The following ADGRL2 variants were observed in gnomAD, a reference collection of about 807,000 sequenced individuals.
ADGRL2 encodes calcium-independent alpha-latrotoxin receptor 2.
A neutral mutation model predicts 157.4 loss-of-function variants in ADGRL2; 44 were observed. That is an observed-to-expected ratio of 0.28 (90% confidence interval 0.22 to 0.36). The LOEUF (loss-of-function observed/expected upper bound fraction) is 0.36, where lower values mean the gene tolerates loss of function less well. Among genes scored for constraint, ADGRL2 ranks in the 10% least tolerant of loss-of-function variants. The pLI is 1.00. For synonymous variants in ADGRL2, 585 were observed against 624.7 expected (o/e 0.94, Z 0.95); for missense variants, 1,510 against 1,768.9 (o/e 0.85, Z 2.63).
chr1:81,659,852 T>C (rs1287563220), intron 3 of ADGRL2, among the ~76,000 whole-genome samples: 1 of 152,224 alleles, frequency 6.6e-6, no homozygotes, highest in Non-Finnish European at 1.5e-5. Context: ...TGGCATTAAG[T>C]AGTGAGCTGT....
chr1:81,919,645 T>A (rs2094935027), intron 3 of ADGRL2, among the ~76,000 whole-genome samples: 1 of 152,188 alleles, frequency 6.6e-6, no homozygotes. Flanking sequence ...TATAATTCTG[T>A]AATTTTTTTC....
intron 3 of ADGRL2, among the ~76,000 whole-genome samples, chr1:81,593,009 T>A (rs993742006): frequency 1.3e-5 from 2 of 152,098 alleles, no homozygotes; most frequent in Non-Finnish European, 2.9e-5. Context: ...CTAGAAGCAT[T>A]TTCATTAATT....
intron 2 of ADGRL2, among the ~76,000 whole-genome samples, chr1:81,477,921 T>C (rs2078306139): frequency 6.6e-6 from 1 of 152,144 alleles, no homozygotes; most frequent in Non-Finnish European, 1.5e-5. Context: ...TGCAGCGTCA[T>C]CTTGTGTGGC....
At chr1:81,314,690 T>C (rs1256287295) in intron 1 of ADGRL2, among the ~76,000 whole-genome samples, 1 of 152,174 alleles carries the variant, frequency 6.6e-6, no homozygotes, top group Non-Finnish European at 1.5e-5. Context: ...AAAGTTCCTC[T>C]TTAATGAGAT....
intron 3 of ADGRL2, among the ~76,000 whole-genome samples, chr1:81,680,233 C>T (rs912295546): frequency 6.6e-6 from 1 of 152,160 alleles, no homozygotes; most frequent in African/African-American, 2.4e-5. Context: ...TCTCAGGGGG[C>T]AGCTGAGTCT....
At chr1:81,443,033 C>A (rs2077537269) in intron 1 of ADGRL2, among the ~76,000 whole-genome samples, 1 of 152,118 alleles carries the variant, frequency 6.6e-6, no homozygotes, top group Non-Finnish European at 1.5e-5. Flanking sequence ...ATATTCTTTA[C>A]AAAATCTTTA....
At chr1:81,696,810 T>C (rs1253176224), upstream of ADGRL2, among the ~76,000 whole-genome samples, 1 of 152,104 alleles carries the variant, frequency 6.6e-6, no homozygotes, top group East Asian at 1.9e-4. Context: ...AACTCGATTT[T>C]ACCAGAAAGG....
intron 2 of ADGRL2, among the ~76,000 whole-genome samples, chr1:81,475,679 G>A (rs1057476411): frequency 1.7e-4 from 26 of 152,116 alleles, no homozygotes; most frequent in Non-Finnish European, 1.6e-4. Flanking sequence ...TTTGGGGGGA[G>A]GAGATGGACA....
intron 2 of ADGRL2, among the ~76,000 whole-genome samples, chr1:81,464,200 A>G (rs566502946): frequency 2.2e-4 from 33 of 152,200 alleles, no homozygotes; most frequent in African/African-American, 7.9e-4. Flanking sequence ...GCAAACATGT[A>G]ATACAGCCCC....
rs184197583 is a variant in ADGRL2 at position 81,915,805 on chromosome 1, A to G, written c.287+8575A>G. Among the ~76,000 whole-genome samples the G allele has an allele frequency of 1.0e-3, 156 of 152,308 alleles. 1 individual carries two copies. The highest frequency in any genetic ancestry group is 3.6e-3 in the African/African-American group (149 of 41,578). ...AATAAGATCAAAATCAATAGACGTG[A>G]ACGTGAACATTTCATTTGACCTCTG... On this transcript the variant is annotated intron_variant, in intron 3 of 23. Transcript: ENST00000686636.
At chr1:81,524,726 T>C (rs2079411682) in intron 2 of ADGRL2, among the ~76,000 whole-genome samples, 2 of 152,066 alleles carry the variant, frequency 1.3e-5, no homozygotes, top group Admixed American at 1.3e-4. Context: ...CATGCTACAT[T>C]TATGTTTTTA....
intron 1 of ADGRL2, among the ~76,000 whole-genome samples, chr1:81,378,452 T>C (rs1446342723): frequency 2.6e-5 from 4 of 151,722 alleles, no homozygotes; most frequent in African/African-American, 9.7e-5. Context: ...TCCCAGCTAC[T>C]TGGAGGCTGA....
intron 6 of ADGRL2, among the ~76,000 whole-genome samples, chr1:81,948,981 G>A (rs1433557480): frequency 6.6e-6 from 1 of 152,084 alleles, no homozygotes; most frequent in African/African-American, 2.4e-5. Flanking sequence ...GGACCAGAGA[G>A]CTTAAAATAG....
intron 1 of ADGRL2, among the ~76,000 whole-genome samples, chr1:81,401,760 T>C (rs1484845962): frequency 6.6e-6 from 1 of 152,146 alleles, no homozygotes; most frequent in East Asian, 1.9e-4. Flanking sequence ...AGATGCCTGT[T>C]CGAACTCACT....
chr1:81,343,445 A>C (rs952090565), intron 1 of ADGRL2, among the ~76,000 whole-genome samples: 3 of 152,138 alleles, frequency 2.0e-5, no homozygotes, highest in Non-Finnish European at 4.4e-5. Context: ...TACAATAAAA[A>C]CATGTTTTAA....
intron 1 of ADGRL2, among the ~76,000 whole-genome samples, chr1:81,743,484 A>C (rs2085143124): frequency 6.7e-6 from 1 of 148,544 alleles, no homozygotes. Flanking sequence ...AGAATTGTTT[A>C]AAGAGAGGAA....
In ADGRL2 at chr1:81,642,839, G is replaced by A. The variant is rs563992706; in HGVS notation, c.-143+61859G>A. 9.2e-5 allele frequency among the ~76,000 whole-genome samples: 14 copies of A among 152,192 alleles called. No homozygotes were observed. The South Asian group carries it at 1.2e-3, about 14-fold the overall frequency. On this transcript the variant is annotated intron_variant, in intron 3 of 24. Transcript: ENST00000370721. ...GGTTAAGAAGAAAAATCCCATGATC[G>A]TGTCAATAGATGCATTAAAAAATCT...
intron 2 of ADGRL2, among the ~76,000 whole-genome samples, chr1:81,771,641 A>C (rs913868141): frequency 6.6e-6 from 1 of 151,896 alleles, no homozygotes; most frequent in African/African-American, 2.4e-5. Flanking sequence ...AAAGAGTCCA[A>C]GATAAGAATC....
intron 2 of ADGRL2, chr1:81,503,035 C>T: frequency 5.0e-6 from 8 of 1,611,554 alleles, no homozygotes; most frequent in African/African-American, 1.3e-5. Context: ...GGCTGGTACT[C>T]GGACCGCCGC....
Sources: allele counts gnomAD v4.1 joint callset (sites outside exome capture counted in the v4.1 genomes callset), GRCh38; gene constraint gnomAD v4.1.1; transcripts MANE v1.5; gene names NCBI Gene and HGNC (gene_info 2026-07-23, HGNC 2026-07-21).